Variants in CAST observed in about 807,000 individuals in gnomAD.
CAST encodes the protein calpastatin, also known as MIR583 host.
A neutral mutation model predicts 119.6 loss-of-function variants in CAST; 76 were observed. The ratio of observed to expected loss-of-function variants is 0.64; its 90% CI spans 0.53 to 0.77. The LOEUF is 0.77. CAST is among the 30% of genes least tolerant of loss of function. The pLI, the probability that CAST is intolerant of heterozygous loss-of-function variation, is 0.00. For synonymous variants in CAST, 319 were observed against 331.6 expected (o/e 0.96, Z 0.41); for missense variants, 953 against 946.5 (o/e 1.01, Z -0.09).
chr5:96,673,251 T>C (rs1463764990), intron 1 of CAST, among the ~76,000 whole-genome samples: 4 of 152,334 alleles, frequency 2.6e-5, no homozygotes, highest in Non-Finnish European at 5.9e-5. Flanking sequence ...TTTGGTCATC[T>C]CTGTCTTTCT....
chr5:96,495,434 A>G, the CAST span, among the ~76,000 whole-genome samples: 2 of 151,872 alleles, frequency 1.3e-5, no homozygotes, highest in Non-Finnish European at 2.9e-5. Flanking sequence ...CCACTCCCCA[A>G]TAGGCCCTGA....
At chr5:96,233,857 G>A in the CAST span, among the ~76,000 whole-genome samples, 1 of 152,040 alleles carries the variant, frequency 6.6e-6, no homozygotes, top group Admixed American at 6.6e-5. Flanking sequence ...ATCAGACACT[G>A]TAGAACAAGA....
intron 1 of CAST, among the ~76,000 whole-genome samples, chr5:96,534,761 G>T: frequency 1.1e-5 from 1 of 94,382 alleles, no homozygotes; most frequent in East Asian, 2.7e-4. Context: ...AAGAAAGAAA[G>T]AAAGAAAGAA....
chr5:96,675,813 T>C (rs1580922950), intron 2 of CAST: 1 of 457,202 alleles, frequency 2.2e-6, no homozygotes, highest in East Asian at 3.4e-5. Flanking sequence ...GTATGAATAC[T>C]TTCCCTTTAG....
At chr5:96,765,862 G>A (rs540867473) in intron 26 of CAST, among the ~76,000 whole-genome samples, 191 bp from the exon 27 acceptor site, 3 of 152,138 alleles carry the variant, frequency 2.0e-5, no homozygotes, top group South Asian at 4.1e-4. Flanking sequence ...AGAAGCATAC[G>A]GGATTTTATA....
At chr5:96,134,184 C>T in the CAST span, among the ~76,000 whole-genome samples, 2 of 152,170 alleles carry the variant, frequency 1.3e-5, no homozygotes, top group Non-Finnish European at 2.9e-5. Context: ...CAAATGTGCT[C>T]ATGTGAATTT....
the CAST span, among the ~76,000 whole-genome samples, chr5:96,403,716 GA>G: frequency 6.6e-6 from 1 of 152,192 alleles, no homozygotes; most frequent in Non-Finnish European, 1.5e-5. Flanking sequence ...ATTCCAGAGT[GA>G]AAAGTCTTAG....
At chr5:95,971,810 C>G in the CAST span, among the ~76,000 whole-genome samples, 1 of 152,130 alleles carries the variant, frequency 6.6e-6, no homozygotes, top group Non-Finnish European at 1.5e-5. Flanking sequence ...TTGCTCAATA[C>G]TATTCCATTT....
At chr5:96,054,663 G>T in the CAST span, among the ~76,000 whole-genome samples, 1 of 152,248 alleles carries the variant, frequency 6.6e-6, no homozygotes, top group Middle Eastern at 3.4e-3. Flanking sequence ...CAGTTAAAAT[G>T]AGGAACATAC....
chr5:96,074,247 G>A, the CAST span, among the ~76,000 whole-genome samples: 2 of 152,154 alleles, frequency 1.3e-5, no homozygotes, highest in African/African-American at 4.8e-5. Context: ...TAGGTTAACT[G>A]ATGTTTTGGC....
chr5:96,025,080 T>A, the CAST span, among the ~76,000 whole-genome samples: 1 of 152,220 alleles, frequency 6.6e-6, no homozygotes, highest in Non-Finnish European at 1.5e-5. Flanking sequence ...ATCTGAAGCT[T>A]TTCCACATTT....
At chr5:96,277,302 A>G in the CAST span, among the ~76,000 whole-genome samples, 1 of 152,206 alleles carries the variant, frequency 6.6e-6, no homozygotes, top group African/African-American at 2.4e-5. Flanking sequence ...TTCTTCCACA[A>G]GCAATGTCTA....
At chr5:96,358,122 G>A in the CAST span, among the ~76,000 whole-genome samples, 1 of 152,096 alleles carries the variant, frequency 6.6e-6, no homozygotes, top group African/African-American at 2.4e-5. Flanking sequence ...TTGCATAGAG[G>A]TGTTTATAGT....
At chr5:96,062,181 C>T in the CAST span, among the ~76,000 whole-genome samples, 1 of 152,050 alleles carries the variant, frequency 6.6e-6, no homozygotes, top group Non-Finnish European at 1.5e-5. Context: ...ACCAAGGAAC[C>T]CTTTACAGCA....
At chr5:96,150,648 C>G in the CAST span, among the ~76,000 whole-genome samples, 1 of 152,096 alleles carries the variant, frequency 6.6e-6, no homozygotes, top group Non-Finnish European at 1.5e-5. Context: ...GAGGAAGGAG[C>G]AGACTGGGTC....
At chr5:96,076,053 G>C in the CAST span, among the ~76,000 whole-genome samples, 1 of 152,174 alleles carries the variant, frequency 6.6e-6, no homozygotes, top group Non-Finnish European at 1.5e-5. Context: ...TGAATGTCCA[G>C]GGTCTGCTTG....
At chr5:96,006,527 T>G in the CAST span, among the ~76,000 whole-genome samples, 1 of 152,314 alleles carries the variant, frequency 6.6e-6, no homozygotes, top group South Asian at 2.1e-4. Flanking sequence ...TTCTTCTTCA[T>G]CAGGGGAGTG....
At chr5:96,543,267 C>G (rs1258530926) in intron 1 of CAST, among the ~76,000 whole-genome samples, 1 of 152,102 alleles carries the variant, frequency 6.6e-6, no homozygotes, top group African/African-American at 2.4e-5. Flanking sequence ...TCATTCTCAG[C>G]AAACTAACAC....
chr5:96,344,979 TG>T, the CAST span, among the ~76,000 whole-genome samples: 6 of 152,330 alleles, frequency 3.9e-5, no homozygotes, highest in African/African-American at 1.4e-4. Context: ...AGTCTTGCCT[TG>T]TTCCCTTCTG....
Sources: allele counts gnomAD v4.1 joint callset (sites outside exome capture counted in the v4.1 genomes callset), GRCh38; gene constraint gnomAD v4.1.1; transcripts MANE v1.5; gene names NCBI Gene and HGNC (gene_info 2026-07-23, HGNC 2026-07-21).